Variants in RALGPS1 observed in about 807,000 individuals in gnomAD.
RALGPS1 encodes ras-specific guanine nucleotide-releasing factor RalGPS1.
RALGPS1 carries 19 observed loss-of-function variants against 78.8 expected under a neutral mutation model. The ratio of observed to expected loss-of-function variants is 0.24; its 90% CI spans 0.17 to 0.35. The LOEUF (loss-of-function observed/expected upper bound fraction) is 0.35, where lower values mean the gene tolerates loss of function less well. RALGPS1 is among the 10% of genes least tolerant of loss of function. The pLI, the probability that RALGPS1 is intolerant of heterozygous loss-of-function variation, is 1.00. For synonymous variants in RALGPS1, 228 were observed against 256.3 expected (o/e 0.89, Z 1.06); for missense variants, 454 against 688.3 (o/e 0.66, Z 3.81).
chr9:127,023,478 C>G (rs149749224), intron 4 of RALGPS1, among the ~76,000 whole-genome samples: 4 of 152,136 alleles, frequency 2.6e-5, no homozygotes, highest in African/African-American at 9.6e-5. Flanking sequence ...CTTCCTTGTT[C>G]TTTTTGTCTT....
intron 4 of RALGPS1, among the ~76,000 whole-genome samples, chr9:127,028,095 T>C (rs1055633192): frequency 5.3e-5 from 8 of 152,238 alleles, no homozygotes; most frequent in Non-Finnish European, 1.0e-4. Context: ...CTTTTGTCTT[T>C]TAAGCCCTGC....
intron 5 of RALGPS1, 102 bp downstream of exon 5, chr9:127,034,616 G>A: frequency 9.9e-7 from 1 of 1,013,652 alleles, no homozygotes; most frequent in Non-Finnish European, 1.6e-6. Context: ...GCTCCCAGCT[G>A]GCCCCAGATC....
chr9:127,144,975 A>C (rs1215675134), intron 8 of RALGPS1, among the ~76,000 whole-genome samples: 1 of 152,240 alleles, frequency 6.6e-6, no homozygotes, highest in Non-Finnish European at 1.5e-5. Context: ...GGTAAATTTT[A>C]TGGTGGGTGT....
intron 14 of RALGPS1, among the ~76,000 whole-genome samples, chr9:127,202,153 G>A (rs1024196337): frequency 6.6e-6 from 1 of 152,180 alleles, no homozygotes; most frequent in African/African-American, 2.4e-5. Flanking sequence ...AGAGCCAGAT[G>A]CCAAGACGAA....
chr9:127,196,826 C>T (rs1428927053), intron 13 of RALGPS1, among the ~76,000 whole-genome samples, 195 bp downstream of exon 13: 4 of 152,246 alleles, frequency 2.6e-5, no homozygotes, highest in South Asian at 2.1e-4. Flanking sequence ...CTCCTAGCCT[C>T]GTGGGCTTCA....
At chr9:127,013,654 A>G (rs2133958545) in intron 4 of RALGPS1, among the ~76,000 whole-genome samples, 1 of 152,120 alleles carries the variant, frequency 6.6e-6, no homozygotes, top group South Asian at 2.1e-4. Context: ...TGTGGTTTTA[A>G]ATCTCTGTCC....
chr9:127,142,186 G>A (rs1297207370), intron 8 of RALGPS1, among the ~76,000 whole-genome samples: 2 of 152,220 alleles, frequency 1.3e-5, no homozygotes, highest in Non-Finnish European at 2.9e-5. Context: ...GAGAGCAGGA[G>A]ATGCCTCTAA....
At chr9:127,161,849 G>A (rs983662025) in intron 8 of RALGPS1, among the ~76,000 whole-genome samples, 1 of 148,536 alleles carries the variant, frequency 6.7e-6, no homozygotes, top group African/African-American at 2.6e-5. Flanking sequence ...GTTCCCAGCT[G>A]TGTGGCCACA....
intron 11 of RALGPS1, among the ~76,000 whole-genome samples, chr9:127,187,144 A>G (rs538001722): frequency 3.0e-4 from 46 of 152,330 alleles, no homozygotes; most frequent in African/African-American, 1.1e-3. Flanking sequence ...CTAACCTCAT[A>G]GGAGTCAAGG....
At chr9:127,137,223 G>C (rs2057458596) in intron 8 of RALGPS1, among the ~76,000 whole-genome samples, 2 of 152,170 alleles carry the variant, frequency 1.3e-5, no homozygotes, top group South Asian at 4.1e-4. Flanking sequence ...CACGGCCTCA[G>C]ACTAGTGTCC....
intron 3 of RALGPS1, among the ~76,000 whole-genome samples, chr9:126,969,355 C>T (rs182608837): frequency 5.5e-4 from 84 of 152,314 alleles, no homozygotes; most frequent in African/African-American, 2.0e-3. Context: ...CCTTTTCCTG[C>T]CTCAGCCTCC....
chr9:127,164,845 A>T (rs1182703867), intron 8 of RALGPS1, among the ~76,000 whole-genome samples: 1 of 151,912 alleles, frequency 6.6e-6, no homozygotes, highest in Non-Finnish European at 1.5e-5. Context: ...CTGCCCTAAA[A>T]CTTGTTAACG....
intron 1 of RALGPS1, among the ~76,000 whole-genome samples, chr9:126,956,113 C>G (rs1227544243): frequency 6.6e-6 from 1 of 152,180 alleles, no homozygotes; most frequent in African/African-American, 2.4e-5. Flanking sequence ...GCTTAGTTGA[C>G]CAGCAGAGAC....
chr9:127,085,658 A>G (rs1031833495), intron 8 of RALGPS1, among the ~76,000 whole-genome samples: 1 of 152,194 alleles, frequency 6.6e-6, no homozygotes, highest in Non-Finnish European at 1.5e-5. Context: ...AGCTGGTATC[A>G]TGACCTGCTT....
At chr9:127,082,890 A>G (rs996388205) in intron 8 of RALGPS1, among the ~76,000 whole-genome samples, 7 of 152,136 alleles carry the variant, frequency 4.6e-5, no homozygotes, top group African/African-American at 1.7e-4. Context: ...TGCCCCCTGT[A>G]TCCCTATTGA....
chr9:126,951,432 A>G (rs980678215), intron 1 of RALGPS1, among the ~76,000 whole-genome samples: 2 of 151,710 alleles, frequency 1.3e-5, no homozygotes, highest in African/African-American at 4.8e-5. Flanking sequence ...AAATACTGGC[A>G]AACCGAATCC....
At chr9:127,052,192 A>T (rs1182454540) in intron 6 of RALGPS1, among the ~76,000 whole-genome samples, 1 of 152,224 alleles carries the variant, frequency 6.6e-6, no homozygotes, top group African/African-American at 2.4e-5. Flanking sequence ...TTGACTCCCA[A>T]GAAAGAGAAA....
chr9:126,942,153 C>T (rs962407052), intron 1 of RALGPS1, among the ~76,000 whole-genome samples: 1 of 152,210 alleles, frequency 6.6e-6, no homozygotes, highest in Non-Finnish European at 1.5e-5. Context: ...TGTCATGTGA[C>T]ATCACAAACA....
intron 8 of RALGPS1, among the ~76,000 whole-genome samples, chr9:127,161,301 GCTT>G (rs1325339507): frequency 6.6e-6 from 1 of 152,232 alleles, no homozygotes; most frequent in African/African-American, 2.4e-5. Flanking sequence ...GGTCAGCTCA[GCTT>G]CTTATGCACT....
Sources: allele counts gnomAD v4.1 joint callset (sites outside exome capture counted in the v4.1 genomes callset), GRCh38; gene constraint gnomAD v4.1.1; transcripts MANE v1.5; gene names NCBI Gene and HGNC (gene_info 2026-07-23, HGNC 2026-07-21).